The following RUNDC3A variants were observed in gnomAD, a reference collection of about 807,000 sequenced individuals.
RUNDC3A encodes the protein RUN domain-containing protein 3A.
RUNDC3A carries 28 observed loss-of-function variants against 53.9 expected under a neutral mutation model. That is an observed-to-expected ratio of 0.52 (90% CI 0.38 to 0.71). The LOEUF (loss-of-function observed/expected upper bound fraction) is 0.71. Among genes scored for constraint, RUNDC3A ranks in the 30% least tolerant of loss-of-function variants. The probability of loss-of-function intolerance (pLI) is 0.00; values close to 1 mark genes in which losing one functional copy is unlikely to be tolerated. For synonymous variants in RUNDC3A, 232 were observed against 249.4 expected, an observed-to-expected ratio of 0.93 and a Z score of 0.66; for missense variants, 491 against 597.3, an observed-to-expected ratio of 0.82 and a Z score of 1.85.
In RUNDC3A at chr17:44,318,102, A is replaced by AC; in HGVS notation, c.1209dup (p.Thr404HisfsTer96). The AC allele has an allele frequency of 6.4e-7, 1 of 1,551,138 alleles. No homozygotes were observed. Among genetic ancestry groups the AC allele is most frequent in the Non-Finnish European group, 8.7e-7 (1 of 1,146,762 alleles). On this transcript the variant is annotated frameshift_variant, in exon 11 of 11. Transcript: ENST00000426726. LOFTEE classifies it high-confidence loss of function. ...ACCTGCCCTCTCTCCCCAGGGAAGG[A>AC]CCCCACGCCCTCCATGCTGGGCCTC...
At position 44,310,613 on chromosome 17, in the gene RUNDC3A, C is replaced by T. The variant is rs150077574; in HGVS notation, c.107+1674C>T. The T allele has an allele frequency of 1.4e-3, 1,104 of 797,872 alleles. 1 individual carries two copies. Among genetic ancestry groups the T allele is most frequent in the Non-Finnish European group, 1.6e-3 (1,042 of 658,534 alleles). 49.4% of individuals were successfully genotyped at this position (797,872 alleles called of 1,614,324 possible). A position where few individuals can be genotyped will look rare whatever the true frequency, so the allele number is the denominator to read the frequency against. On this transcript the variant is annotated intron_variant, in intron 1 of 10. Coordinates refer to ENST00000426726, the MANE Select transcript of RUNDC3A (RefSeq NM_001144825.2). The stretch of plus-strand genomic sequence containing the variant: ...ACTGTCACATGGTTTGCCTCCAGCT[C>T]CCAGAACAGCTCCCTTTAGCAGGCC...
Position 44,314,933 on chromosome 17 carries a change from T to C in RUNDC3A, c.553T>C (p.Cys185Arg). 6.2e-7 allele frequency: 1 copy of C among 1,613,996 alleles called. No homozygotes were observed. The highest frequency in any genetic ancestry group is 8.5e-7 in the Non-Finnish European group (1 of 1,179,884). Residue 185 changes from cysteine (C) to arginine (R), a missense_variant, in exon 6 of 11, where the codon TGT becomes CGT. By Grantham distance (180) the Cys-to-Arg change is radical. Coordinates refer to ENST00000426726, the MANE Select transcript of RUNDC3A (RefSeq NM_001144825.2). ...IGLSAIDFSF[C>R]LKGEVLDGKT... ...CCTGTGGCTCCTCTGCCTCAGCTTC[T>C]GTCTAAAGGGGGAAGTCCTGGACGG...
intron 1 of RUNDC3A, among the ~76,000 whole-genome samples, chr17:44,309,233 G>T (rs902475213): frequency 6.6e-6 from 1 of 152,084 alleles, no homozygotes; most frequent in Non-Finnish European, 1.5e-5. Flanking sequence ...GAGGGGGAAG[G>T]GGGTGGGGAT....
intron 1 of RUNDC3A, chr17:44,311,323 C>A: frequency 1.0e-6 from 1 of 985,584 alleles, no homozygotes; most frequent in Non-Finnish European, 1.2e-6. Flanking sequence ...ATCACAACAG[C>A]TGCCAGGAGG....
chr17:44,313,084 C>G lies in RUNDC3A; in HGVS notation c.224-20C>G. On this transcript the variant is annotated intron_variant, in intron 2 of 10. Transcript: ENST00000426726. Reference sequence around the variant, plus strand: ...CCAAACTCCCTGGTCTTGCTGAGCCCCCTCCCTGCCCTGGCTCAGCCTGTG... The same window carrying G: ...CCAAACTCCCTGGTCTTGCTGAGCCGCCTCCCTGCCCTGGCTCAGCCTGTG... 6.2e-7 allele frequency: 1 copy of G among 1,611,726 alleles called. No individual in the cohort carries two copies. Among genetic ancestry groups the G allele is most frequent in the Non-Finnish European group, 8.5e-7 (1 of 1,178,034 alleles).
chr17:44,316,825 T>C (rs2047874995), intron 10 of RUNDC3A, 100 bp downstream of exon 10: 3 of 617,696 alleles, frequency 4.9e-6, no homozygotes, highest in Non-Finnish European at 7.6e-6. Flanking sequence ...TTAGTCTTTT[T>C]TTTTTTTTTT....
At chr17:44,314,868 C>A (rs1384847515) in intron 5 of RUNDC3A, 44 bp downstream of exon 5, 1 of 1,613,824 alleles carries the variant, frequency 6.2e-7, no homozygotes, top group East Asian at 2.2e-5. Context: ...CTGTTTCCCC[C>A]ATAAATGTCC....
intron 10 of RUNDC3A, chr17:44,317,691 G>T: frequency 1.6e-6 from 1 of 641,412 alleles, no homozygotes. Context: ...GCAGGCTGTG[G>T]CCATGTAGCC....
intron 10 of RUNDC3A, chr17:44,317,673 G>A (rs1426519844): frequency 2.1e-5 from 14 of 658,460 alleles, no homozygotes; most frequent in Non-Finnish European, 3.1e-5. Context: ...GATCTTCTTT[G>A]AGACAAGGCA....
rs765333491 is a variant in RUNDC3A, at chr17:44,315,310, A to G, written c.785A>G (p.Tyr262Cys). The G allele has an allele frequency of 5.1e-6, 7 of 1,359,976 alleles. No homozygotes were observed. In the South Asian group the frequency reaches 9.4e-5, roughly 18 times the overall value. 84.2% of individuals were successfully genotyped at this position (1,359,976 alleles called of 1,614,324 possible). A position where few individuals can be genotyped will look rare whatever the true frequency, so the allele number is the denominator to read the frequency against. Residue 262 changes from tyrosine (Y) to cysteine (C), a missense_variant, in exon 7 of 11, where the codon TAC (tyrosine) becomes TGC (cysteine). Physicochemically the swap from Tyr to Cys is radical, Grantham distance 194. Coordinates refer to ENST00000426726, the MANE Select transcript of RUNDC3A (RefSeq NM_001144825.2). The surrounding 1 kb of genome is among the most constrained non-coding windows in gnomAD (Gnocchi z 6.1). ...HKMEQKFRIV[Y>C]AQKGYLEELV... is the part of the protein sequence containing the mutation. ...ATGGAGCAGAAGTTCCGCATCGTCT[A>G]CGCGCAGAAGGTGCGCGACGCCGGC...
chr17:44,312,138 G>C (rs2047759683), intron 1 of RUNDC3A, among the ~76,000 whole-genome samples: 1 of 152,218 alleles, frequency 6.6e-6, no homozygotes, highest in Non-Finnish European at 1.5e-5. Context: ...AGCAATCACA[G>C]AAGACAGCTC....
rs2047844696 is a variant in RUNDC3A at position 44,315,541 on chromosome 17, G to A, written c.885G>A (p.Glu295=). 6.6e-7 allele frequency: 1 copy of A among 1,516,596 alleles called. No homozygotes were observed. Among genetic ancestry groups the A allele is most frequent in the South Asian group, 1.2e-5 (1 of 80,492 alleles). The allele number at this position is 1,516,596 out of a possible 1,614,324, so 93.9% of individuals were successfully genotyped here. A position where few individuals can be genotyped will look rare whatever the true frequency, so the allele number is the denominator to read the frequency against. Residue 295 remains glutamate, a synonymous_variant, in exon 8 of 11, where the codon GAG becomes GAA. Coordinates refer to ENST00000426726, the MANE Select transcript of RUNDC3A (RefSeq NM_001144825.2). The surrounding 1 kb of genome is among the most constrained non-coding windows in gnomAD (Gnocchi z 6.1). ...ENRRLQLQLE[E]AAAQNQREKR... ...GGCGGCTTCAGCTGCAGCTGGAGGA[G>A]GCGGCGGCGCAGAACCAGCGCGAGA...
At chr17:44,312,300 C>T (rs114939053) in intron 1 of RUNDC3A, among the ~76,000 whole-genome samples, 1,806 of 152,200 alleles carry the variant, frequency 0.012, 25 homozygotes, top group African/African-American at 0.029. Context: ...CCCTTGCTCC[C>T]GAAGCTTCCT....
Position 44,318,196 on chromosome 17 carries a change from G to A in RUNDC3A, c.1299G>A (p.Val433=), listed in dbSNP as rs889060807. ...LASFKSNECL[V]SDSPEGSPAL... ...GCTTCAAATCCAACGAGTGCCTGGT[G>A]AGCGACAGTCCCGAGGGCAGCCCAG... The change falls in exon 11 of 11, where the codon GTG becomes GTA. Residue 433 remains valine, a synonymous_variant. Coordinates refer to ENST00000426726, the MANE Select transcript of RUNDC3A (RefSeq NM_001144825.2). 5.2e-6 allele frequency: 8 copies of A among 1,551,284 alleles called. No homozygotes were observed. The highest frequency in any genetic ancestry group is 2.4e-5 in the East Asian group (1 of 40,922).
In RUNDC3A at chr17:44,308,821, C is replaced by T. The variant is rs1400841286; in HGVS notation, c.-12C>T. 6.3e-6 allele frequency: 10 copies of T among 1,576,344 alleles called. No individual in the cohort carries two copies. The highest frequency in any genetic ancestry group is 1.7e-5 in the Admixed American group (1 of 57,332). ...GGGCAGCGGGCGGCGGCAGCAGTGG[C>T]CGCACATCTGGATGGAAGCGAGCTT... On this transcript the variant is annotated 5_prime_UTR_variant, in exon 1 of 11. Coordinates refer to ENST00000426726, the MANE Select transcript of RUNDC3A (RefSeq NM_001144825.2).
At chr17:44,314,628 G>C in intron 4 of RUNDC3A, 107 bp from the exon 5 acceptor site, 1 of 1,497,616 alleles carries the variant, frequency 6.7e-7, no homozygotes, top group Non-Finnish European at 8.9e-7. Flanking sequence ...AAGGAGAATT[G>C]GCCTTCCTTC....
chr17:44,313,992 C>T, intron 4 of RUNDC3A: 21 of 992,336 alleles, frequency 2.1e-5, no homozygotes, highest in Non-Finnish European at 2.5e-5. Context: ...TTTACCACCA[C>T]CACCACCACC....
At chr17:44,317,552 G>A (rs1567858635) in intron 10 of RUNDC3A, 1 of 780,864 alleles carries the variant, frequency 1.3e-6, no homozygotes, top group Admixed American at 1.7e-5. Context: ...TGCACTTTGT[G>A]TTGACCTCAT....
At position 44,308,819 on chromosome 17, in the gene RUNDC3A, G is replaced by T; in HGVS notation, c.-14G>T. The T allele has an allele frequency of 6.4e-7, 1 of 1,571,578 alleles. No individual in the cohort carries two copies. The highest frequency in any genetic ancestry group is 8.7e-7 in the Non-Finnish European group (1 of 1,153,488). On this transcript the variant is annotated 5_prime_UTR_variant, in exon 1 of 11. Coordinates refer to ENST00000426726, the MANE Select transcript of RUNDC3A (RefSeq NM_001144825.2). ...GGGGGCAGCGGGCGGCGGCAGCAGT[G>T]GCCGCACATCTGGATGGAAGCGAGC...
Sources: gnomAD v4.1 joint callset for allele counts (sites outside exome capture counted in the v4.1 genomes callset) on GRCh38, gnomAD v4.1.1 for gene constraint, Gnocchi (gnomAD v3.1) non-coding constraint, MANE v1.5 for transcripts, NCBI Gene and HGNC (gene_info 2026-07-23, HGNC 2026-07-21) for gene names.